FUT8: variants seen among roughly 807,000 people sequenced by gnomAD.
FUT8 encodes the protein alpha-(1,6)-fucosyltransferase.
FUT8 carries 29 observed loss-of-function variants against 71.3 expected under a neutral mutation model. That is an observed-to-expected ratio of 0.41 (90% CI 0.30 to 0.55). The LOEUF (loss-of-function observed/expected upper bound fraction) is 0.55, where lower values mean the gene tolerates loss of function less well. FUT8 is among the 20% of genes least tolerant of loss of function. The probability of loss-of-function intolerance (pLI) is 0.34; values close to 1 mark genes in which losing one functional copy is unlikely to be tolerated. For missense variants in FUT8, 544 were observed against 702.1 expected (o/e 0.77, Z 2.55); for synonymous variants, 254 against 239.3 (o/e 1.06, Z -0.57).
rs1222067676 is a variant in FUT8 at position 65,720,342 on chromosome 14, T to TG, written c.836-1430dup. The stretch of plus-strand genomic sequence containing the variant: ...AGCTTGTGGTGAATGTTGCCAGGCC[T>TG]GGGACTTGCCCTTCAGGGCACTGGG... On this transcript the variant is annotated intron_variant, in intron 7 of 10. Transcript: ENST00000673929. Among the ~76,000 whole-genome samples the TG allele has an allele frequency of 3.3e-5, 5 of 152,128 alleles. No homozygotes were observed. The East Asian group carries it at 9.6e-4, about 29-fold the overall frequency.
chr14:65,502,687 A>G (rs2066665665), intron 2 of FUT8, among the ~76,000 whole-genome samples: 1 of 152,244 alleles, frequency 6.6e-6, no homozygotes, highest in Non-Finnish European at 1.5e-5. Context: ...TTACCCATAA[A>G]CAAAGTTTTA....
chr14:65,388,497 C>T, the FUT8 span, among the ~76,000 whole-genome samples: 1 of 152,172 alleles, frequency 6.6e-6, no homozygotes, highest in Admixed American at 6.5e-5. Context: ...CATGGTGGCT[C>T]ACGCCTGTAA....
intron 3 of FUT8, among the ~76,000 whole-genome samples, chr14:65,579,505 TTA>T (rs1175971112): frequency 2.0e-5 from 3 of 152,288 alleles, no homozygotes; most frequent in Admixed American, 6.5e-5. Context: ...GGTTAGTGTC[TTA>T]TAAATAAGTA....
chr14:65,475,249 C>T (rs1286947666), intron 2 of FUT8, among the ~76,000 whole-genome samples: 1 of 152,084 alleles, frequency 6.6e-6, no homozygotes, highest in African/African-American at 2.4e-5. Context: ...AATTACAGTA[C>T]AGGAAGTCCC....
chr14:65,546,011 G>A (rs1053289288), intron 2 of FUT8, among the ~76,000 whole-genome samples: 5 of 151,720 alleles, frequency 3.3e-5, no homozygotes, highest in Non-Finnish European at 1.5e-5. Flanking sequence ...GGCATTTAAT[G>A]AAATAACAAC....
At chr14:65,497,884 T>C (rs1194256423) in intron 2 of FUT8, among the ~76,000 whole-genome samples, 1 of 151,954 alleles carries the variant, frequency 6.6e-6, no homozygotes, top group Non-Finnish European at 1.5e-5. Flanking sequence ...GGAGAGCAGA[T>C]TGAGAATGTG....
At chr14:65,553,084 G>A (rs549422916) in intron 2 of FUT8, among the ~76,000 whole-genome samples, 21 of 152,212 alleles carry the variant, frequency 1.4e-4, no homozygotes, top group Non-Finnish European at 1.9e-4. Flanking sequence ...GCCTCCCAAG[G>A]AGCTGGGACT....
chr14:65,471,925 C>A (rs989540932), intron 2 of FUT8, among the ~76,000 whole-genome samples: 1 of 152,062 alleles, frequency 6.6e-6, no homozygotes, highest in Non-Finnish European at 1.5e-5. Flanking sequence ...AATTTTATCT[C>A]TTTCTGACAT....
At chr14:65,439,586 G>A (rs1445076996) in intron 1 of FUT8, among the ~76,000 whole-genome samples, 1 of 151,986 alleles carries the variant, frequency 6.6e-6, no homozygotes, top group Non-Finnish European at 1.5e-5. Flanking sequence ...TTTGAAGGGG[G>A]TTCCTAGCTG....
intron 3 of FUT8, among the ~76,000 whole-genome samples, chr14:65,577,044 C>A (rs933347836): frequency 8.6e-5 from 13 of 151,628 alleles, no homozygotes; most frequent in African/African-American, 3.2e-4. Context: ...GAGATGGGGT[C>A]TCCCTATGTT....
intron 1 of FUT8, among the ~76,000 whole-genome samples, chr14:65,421,735 A>AACCCCCCC (rs1566736635): frequency 5.8e-5 from 2 of 34,354 alleles, no homozygotes; most frequent in African/African-American, 1.7e-4. Context: ...AAACCCTTTA[A>AACCCCCCC]CCCACCCCCC....
chr14:65,371,224 C>T, the FUT8 span, among the ~76,000 whole-genome samples: 1 of 152,220 alleles, frequency 6.6e-6, no homozygotes, highest in South Asian at 2.1e-4. Flanking sequence ...AACGATCACA[C>T]TTTCACAGTG....
Position 65,413,693 on chromosome 14 carries a change from G to A in FUT8, c.-326+479G>A, listed in dbSNP as rs1299166530. 6.6e-6 allele frequency among the ~76,000 whole-genome samples: 1 copy of A among 152,216 alleles called. No individual in the cohort carries two copies. The highest frequency in any genetic ancestry group is 1.5e-5 in the Non-Finnish European group (1 of 68,036). ...GAGTGCTGCTCGGGCTAGAAAGCAG[G>A]GAGTGGACCCTCACAAAGATCCGCG... On this transcript the variant is annotated intron_variant, in intron 1 of 10. Transcript: ENST00000673929. The surrounding 1 kb of genome is among the most constrained non-coding windows in gnomAD (Gnocchi z 4.1).
chr14:65,557,793 C>T (rs1885674224), intron 2 of FUT8, among the ~76,000 whole-genome samples: 1 of 152,118 alleles, frequency 6.6e-6, no homozygotes. Context: ...AAAGCCCACT[C>T]TGAGAAGAAA....
chr14:65,698,440 A>T (rs1476156559), intron 7 of FUT8, among the ~76,000 whole-genome samples: 2 of 152,242 alleles, frequency 1.3e-5, no homozygotes. Flanking sequence ...GGTCTGAGGC[A>T]GAAGACCTAT....
In FUT8 at chr14:65,742,181, G is replaced by T. The variant is rs756350463; in HGVS notation, c.1499G>T (p.Gly500Val). ...TCTTTAGATGACATCTACTATTTTGGGGGCCAGAATGCCCACAATCAAATT... is the reference window on the plus strand; with the variant it reads ...TCTTTAGATGACATCTACTATTTTGTGGGCCAGAATGCCCACAATCAAATT... ...FHSLDDIYYF[G>V]GQNAHNQIAI... is the part of the protein sequence containing the mutation. The change falls in exon 11 of 11, where the codon GGG (glycine) becomes GTG (valine). Residue 500 changes from glycine (G) to valine (V), a missense_variant. Transcript: ENST00000673929. 6.2e-7 allele frequency: 1 copy of T among 1,612,886 alleles called. No homozygotes were observed. The highest frequency in any genetic ancestry group is 2.2e-5 in the East Asian group (1 of 44,830).
chr14:65,669,171 TAAAA>T lies in FUT8; in HGVS notation c.598-63_598-60del. On this transcript the variant is annotated intron_variant, in intron 6 of 10. Coordinates refer to ENST00000673929, the MANE Select transcript of FUT8 (RefSeq NM_001371533.1). This position sits in a 1 kb window ranked among gnomAD's most constrained non-coding sequence, Gnocchi z 4.5. ...ATGTGTACCCCTGAAGATGAAAGAT[TAAAA>T]AAAAAAAAGAGCAGTTGACCTCTCT... is the stretch of plus-strand genomic sequence containing the variant. 1.1e-6 allele frequency: 1 copy of T among 928,174 alleles called. No homozygotes were observed. The highest frequency in any genetic ancestry group is 3.0e-5 in the East Asian group (1 of 33,460). 57.5% of individuals were successfully genotyped at this position (928,174 alleles called of 1,614,324 possible).
intron 3 of FUT8, among the ~76,000 whole-genome samples, chr14:65,580,070 T>A (rs1454531046): frequency 7.0e-6 from 1 of 142,832 alleles, no homozygotes; most frequent in African/African-American, 2.6e-5. Flanking sequence ...GTGCTATATT[T>A]TATATATATA....
rs192910541 is a variant in FUT8 at position 65,717,317 on chromosome 14, C to T, written c.836-4458C>T. 5.7e-4 allele frequency among the ~76,000 whole-genome samples: 80 copies of T among 140,546 alleles called. 1 individual carries two copies. The highest frequency in any genetic ancestry group is 1.9e-3 in the African/African-American group (71 of 37,104). The allele number at this position is 140,546 out of a possible 152,430, so 92.2% of individuals were successfully genotyped here. A position where few individuals can be genotyped will look rare whatever the true frequency, so the allele number is the denominator to read the frequency against. On this transcript the variant is annotated intron_variant, in intron 7 of 10. Transcript: ENST00000673929. ...GACGATGGGCGGCCGGGCAGAGGCA[C>T]TCCTCACCTCCCAGACAGGGCAGCC...
Sources: gnomAD v4.1 joint callset for allele counts (sites outside exome capture counted in the v4.1 genomes callset) on GRCh38, gnomAD v4.1.1 for gene constraint, Gnocchi (gnomAD v3.1) non-coding constraint, MANE v1.5 for transcripts, NCBI Gene and HGNC (gene_info 2026-07-23, HGNC 2026-07-21) for gene names.